Variants in IKZF3 observed in about 807,000 individuals in gnomAD.
The protein encoded by IKZF3 is zinc finger protein Aiolos.
A neutral mutation model predicts 49.0 loss-of-function variants in IKZF3; 10 were observed. The observed-to-expected ratio is 0.20, with a 90% CI of 0.13 to 0.35. The LOEUF (loss-of-function observed/expected upper bound fraction) is 0.35. Among genes scored for constraint, IKZF3 ranks in the 10% least tolerant of loss-of-function variants. The pLI is 1.00. For synonymous variants in IKZF3, 209 were observed against 228.2 expected, an observed-to-expected ratio of 0.92 and a Z score of 0.76; for missense variants, 498 against 664.8, an observed-to-expected ratio of 0.75 and a Z score of 2.76.
chr17:39,822,645 C>T (rs190981653), intron 3 of IKZF3, among the ~76,000 whole-genome samples: 77 of 148,242 alleles, frequency 5.2e-4, no homozygotes, highest in African/African-American at 1.2e-3. Flanking sequence ...TGCAGTGGCG[C>T]GATCTTGGCT....
chr17:39,855,868 TA>T, intron 1 of IKZF3, among the ~76,000 whole-genome samples: 2 of 152,138 alleles, frequency 1.3e-5, no homozygotes, highest in South Asian at 4.1e-4. Flanking sequence ...ATTCTGAACA[TA>T]AAAATCAAAC....
At chr17:39,839,318 A>C (rs1220533083) in intron 1 of IKZF3, 1 of 493,684 alleles carries the variant, frequency 2.0e-6, no homozygotes, top group African/African-American at 2.0e-5. Flanking sequence ...TGGTAACATG[A>C]TTGTGACCTT....
intron 1 of IKZF3, among the ~76,000 whole-genome samples, chr17:39,854,832 A>T (rs1398989241): frequency 6.6e-6 from 1 of 152,168 alleles, no homozygotes; most frequent in Admixed American, 6.5e-5. Context: ...ACTAAGCAGC[A>T]GTCCAGAGTC....
intron 7 of IKZF3, among the ~76,000 whole-genome samples, chr17:39,767,738 C>CTA (rs201594459): frequency 2.6e-5 from 4 of 151,678 alleles, no homozygotes; most frequent in Admixed American, 6.6e-5. Flanking sequence ...GAAATAAGAC[C>CTA]TATATATATA....
chr17:39,793,223 A>G (rs930445209), intron 3 of IKZF3, among the ~76,000 whole-genome samples: 1 of 152,244 alleles, frequency 6.6e-6, no homozygotes, highest in Non-Finnish European at 1.5e-5. Context: ...CAAAGTGGCC[A>G]TGAAACAAAC....
At chr17:39,839,818 T>C (rs9900541) in intron 1 of IKZF3, among the ~76,000 whole-genome samples, 14,100 of 151,882 alleles carry the variant, frequency 0.093, 1,342 homozygotes, top group African/African-American at 0.25. Context: ...TGTCACCATG[T>C]CCAGCTAATT....
At chr17:39,828,492 T>C (rs2062017381) in intron 3 of IKZF3, among the ~76,000 whole-genome samples, 1 of 151,980 alleles carries the variant, frequency 6.6e-6, no homozygotes, top group Non-Finnish European at 1.5e-5. Context: ...AATAAATGAG[T>C]TATGTAACAA....
At chr17:39,804,345 G>A (rs2061389214) in intron 3 of IKZF3, among the ~76,000 whole-genome samples, 1 of 152,032 alleles carries the variant, frequency 6.6e-6, no homozygotes, top group South Asian at 2.1e-4. Flanking sequence ...CTACTCAGGA[G>A]GCTGAGGCAA....
intron 3 of IKZF3, among the ~76,000 whole-genome samples, chr17:39,817,088 C>A (rs903239337): frequency 6.6e-6 from 1 of 152,116 alleles, no homozygotes; most frequent in African/African-American, 2.4e-5. Flanking sequence ...TTGGGTAAAG[C>A]CTTTTCCCCT....
chr17:39,801,523 A>G (rs913588763), intron 3 of IKZF3, among the ~76,000 whole-genome samples: 1 of 152,254 alleles, frequency 6.6e-6, no homozygotes, highest in African/African-American at 2.4e-5. Flanking sequence ...TTCAGTCTAC[A>G]AAGTTTGTTA....
chr17:39,804,273 C>G (rs557498135), intron 3 of IKZF3, among the ~76,000 whole-genome samples: 2 of 152,104 alleles, frequency 1.3e-5, no homozygotes, highest in Non-Finnish European at 2.9e-5. Context: ...ATGGTGAATC[C>G]CTGTCTCTAC....
rs942456154 is a variant in IKZF3 at position 39,762,377 on chromosome 17, C to A, written c.*3413G>T. On this transcript the variant is annotated 3_prime_UTR_variant, in exon 8 of 8. Coordinates refer to ENST00000346872, the MANE Select transcript of IKZF3 (RefSeq NM_012481.5). ...GACTTAAGGATGCAGAGTTTCCACA[C>A]ATAAATTTTTTCTGGAATTGATGGG... 1 of 152,186 alleles carries A rather than the reference C, an allele frequency of 6.6e-6. No individual in the cohort carries two copies. The highest frequency in any genetic ancestry group is 1.9e-4 in the East Asian group (1 of 5,204). The allele number at this position is 152,186 out of a possible 1,614,324, so 9.4% of individuals were successfully genotyped here.
chr17:39,768,039 A>C (rs2143593209), intron 7 of IKZF3, among the ~76,000 whole-genome samples: 1 of 152,194 alleles, frequency 6.6e-6, no homozygotes, highest in East Asian at 1.9e-4. Context: ...GTGGCAGAGT[A>C]AGACCTTGTC....
rs2060268186 is a variant in IKZF3 at position 39,765,572 on chromosome 17, T to C, written c.*218A>G. ...AATTCCATAAAATTCAAGTCCCTGATGGGAAAACAAAGGTTTCACAAAAGT... is the reference window on the plus strand; with the variant it reads ...AATTCCATAAAATTCAAGTCCCTGACGGGAAAACAAAGGTTTCACAAAAGT... On this transcript the variant is annotated 3_prime_UTR_variant, in exon 8 of 8. Transcript: ENST00000346872. 4.1e-6 allele frequency: 2 copies of C among 486,666 alleles called. No individual in the cohort carries two copies. The highest frequency in any genetic ancestry group is 3.6e-6 in the Non-Finnish European group (1 of 275,536). 30.1% of individuals were successfully genotyped at this position (486,666 alleles called of 1,614,324 possible). A position where few individuals can be genotyped will look rare whatever the true frequency, so the allele number is the denominator to read the frequency against.
chr17:39,812,531 T>C (rs2061584056), intron 3 of IKZF3, among the ~76,000 whole-genome samples: 1 of 152,104 alleles, frequency 6.6e-6, no homozygotes, highest in South Asian at 2.1e-4. Context: ...CATACAAAAT[T>C]GTTGAAAATT....
At chr17:39,860,184 G>A (rs968340856) in intron 1 of IKZF3, among the ~76,000 whole-genome samples, 2 of 152,010 alleles carry the variant, frequency 1.3e-5, no homozygotes, top group African/African-American at 2.4e-5. Context: ...CAGGAGGATC[G>A]TCTGAGCCTA....
chr17:39,808,407 C>T lies in IKZF3; in HGVS notation c.164-15474G>A, dbSNP rs76587175. Among the ~76,000 whole-genome samples, 1,305 of 152,254 alleles carry T rather than the reference C, an allele frequency of 8.6e-3. 19 individuals carry two copies. The highest frequency in any genetic ancestry group is 0.03 in the African/African-American group (1,246 of 41,544). On this transcript the variant is annotated intron_variant, in intron 3 of 7. Transcript: ENST00000346872. ...TTCCCATACTTAGTTATTTTATTAT[C>T]GATTTCAGACAAATACCTAACTACT...
chr17:39,808,875 T>C (rs1055296723), intron 3 of IKZF3, among the ~76,000 whole-genome samples: 1 of 152,134 alleles, frequency 6.6e-6, no homozygotes, highest in East Asian at 1.9e-4. Context: ...GACCATTAAG[T>C]AGTGTTTGTT....
intron 1 of IKZF3, among the ~76,000 whole-genome samples, chr17:39,836,285 C>A (rs960553230): frequency 2.8e-4 from 43 of 152,202 alleles, no homozygotes; most frequent in African/African-American, 8.4e-4. Flanking sequence ...CTGGACACTG[C>A]TGCTGCTGCC....
Sources: allele counts gnomAD v4.1 joint callset (sites outside exome capture counted in the v4.1 genomes callset), GRCh38; gene constraint gnomAD v4.1.1; transcripts MANE v1.5; gene names NCBI Gene and HGNC (gene_info 2026-07-23, HGNC 2026-07-21).